Variants in GABPB2 observed in about 807,000 individuals in gnomAD.
GABPB2 encodes the protein GA binding protein transcription factor subunit beta 2.
Under a neutral mutation model 39.1 loss-of-function variants are expected in GABPB2, and 23 were observed. The ratio of observed to expected loss-of-function variants is 0.59; its 90% CI spans 0.42 to 0.83. The LOEUF (loss-of-function observed/expected upper bound fraction) is 0.83, where lower values mean the gene tolerates loss of function less well. GABPB2 is among the 40% of genes least tolerant of loss of function. The pLI is 0.00. For missense variants in GABPB2, 467 were observed against 541.1 expected (o/e 0.86, Z 1.36); for synonymous variants, 184 against 199.3 (o/e 0.92, Z 0.65).
rs1678847808 is a variant in GABPB2, at chr1:151,093,139, C to T, written c.277-53C>T. On this transcript the variant is annotated intron_variant, in intron 3 of 8. Coordinates refer to ENST00000368918, the MANE Select transcript of GABPB2 (RefSeq NM_144618.3). ...CTCTGTATTTGATGATGGGATGTTGCACCTGTGCTACTATAACCGCTGTTT... is the reference window on the plus strand; with the variant it reads ...CTCTGTATTTGATGATGGGATGTTGTACCTGTGCTACTATAACCGCTGTTT... 4 of 1,358,406 alleles carry T rather than the reference C, an allele frequency of 2.9e-6. No individual in the cohort carries two copies. In the South Asian group the frequency reaches 6.1e-5, roughly 21 times the overall value. The allele number at this position is 1,358,406 out of a possible 1,614,324, so 84.1% of individuals were successfully genotyped here.
intron 1 of GABPB2, among the ~76,000 whole-genome samples, chr1:151,072,156 T>G (rs1676783526): frequency 6.6e-6 from 1 of 152,210 alleles, no homozygotes; most frequent in South Asian, 2.1e-4. Context: ...TCCAGATTCT[T>G]AAATAAACAA....
intron 1 of GABPB2, among the ~76,000 whole-genome samples, chr1:151,082,208 C>T (rs587712136): frequency 6.6e-6 from 1 of 150,944 alleles, no homozygotes; most frequent in South Asian, 2.1e-4. Context: ...TCCCAAGTAA[C>T]TGGGACTACA....
intron 7 of GABPB2, among the ~76,000 whole-genome samples, chr1:151,108,379 C>T (rs1231355373): frequency 6.6e-6 from 1 of 152,106 alleles, no homozygotes; most frequent in Non-Finnish European, 1.5e-5. Context: ...ACCATGTTAG[C>T]CAGGCTGGTC....
At chr1:151,096,400 G>C (rs1339769780) in intron 4 of GABPB2, among the ~76,000 whole-genome samples, 1 of 152,092 alleles carries the variant, frequency 6.6e-6, no homozygotes, top group South Asian at 2.1e-4. Context: ...GGGCGACAGA[G>C]TGGGACTCCG....
At chr1:151,088,857 G>A (rs1678427907) in intron 2 of GABPB2, among the ~76,000 whole-genome samples, 1 of 152,118 alleles carries the variant, frequency 6.6e-6, no homozygotes, top group Non-Finnish European at 1.5e-5. Context: ...AAAATTAGCT[G>A]GGCATGGTGG....
intron 7 of GABPB2, among the ~76,000 whole-genome samples, chr1:151,109,583 A>G (rs1680245002): frequency 6.7e-6 from 1 of 149,566 alleles, no homozygotes; most frequent in Non-Finnish European, 1.5e-5. Flanking sequence ...CTGGTCTCGA[A>G]CTCCTGACCT....
chr1:151,103,873 G>C (rs1679734029), intron 6 of GABPB2, among the ~76,000 whole-genome samples, 198 bp downstream of exon 6: 1 of 152,204 alleles, frequency 6.6e-6, no homozygotes. Flanking sequence ...TAATATCAGA[G>C]AATGACTGAA....
At position 151,121,022 on chromosome 1, in the gene GABPB2, C is replaced by T. The variant is rs1681164335; in HGVS notation, c.*2766C>T. On this transcript the variant is annotated 3_prime_UTR_variant, in exon 9 of 9. Coordinates refer to ENST00000368918, the MANE Select transcript of GABPB2 (RefSeq NM_144618.3). ...CCACCCGCCTTGGCCTCCCAAAATG[C>T]TGAGATTACAGGCGTGAGCCACCCC... is the stretch of plus-strand genomic sequence containing the variant. 6.6e-6 allele frequency: 1 copy of T among 152,192 alleles called. No individual in the cohort carries two copies. Among genetic ancestry groups the T allele is most frequent in the African/African-American group, 2.4e-5 (1 of 41,436 alleles). The allele number at this position is 152,192 out of a possible 1,614,324, so 9.4% of individuals were successfully genotyped here.
At chr1:151,085,411 T>A (rs1678093558) in intron 1 of GABPB2, among the ~76,000 whole-genome samples, 1 of 152,046 alleles carries the variant, frequency 6.6e-6, no homozygotes. Context: ...AATAAAATAA[T>A]AAAATGATGT....
intron 2 of GABPB2, among the ~76,000 whole-genome samples, chr1:151,089,955 T>TG (rs398038191): frequency 4.0e-5 from 6 of 151,584 alleles, no homozygotes; most frequent in African/African-American, 1.5e-4. Context: ...TTTTTTTTTT[T>TG]GAGACGGTGT....
chr1:151,073,552 C>T (rs1676899404), intron 1 of GABPB2, among the ~76,000 whole-genome samples: 1 of 152,124 alleles, frequency 6.6e-6, no homozygotes. Flanking sequence ...ATATAGTTCC[C>T]CTCAAAATGC....
In GABPB2 at chr1:151,087,710, C is replaced by T. The variant is rs143519124; in HGVS notation, c.1-480C>T. Among the ~76,000 whole-genome samples the T allele has an allele frequency of 3.9e-5, 6 of 152,170 alleles. No homozygotes were observed. In the East Asian group the frequency reaches 1.2e-3, roughly 29 times the overall value. ...ATGTGTCCTGTTTCATTGTGCTATC[C>T]AAAGACCTACAAACCTCCAGAGAGA... On this transcript the variant is annotated intron_variant, in intron 1 of 8. Transcript: ENST00000368918.
intron 7 of GABPB2, chr1:151,112,713 G>A: frequency 9.3e-6 from 2 of 214,290 alleles, no homozygotes; most frequent in Admixed American, 4.2e-5. Context: ...CTCCAGTAGA[G>A]CTGCTGGTAA....
Position 151,117,496 on chromosome 1 carries a change from A to C in GABPB2, c.1027A>C (p.Asn343His). The C allele has an allele frequency of 6.2e-7, 1 of 1,614,010 alleles. No homozygotes were observed. The highest frequency in any genetic ancestry group is 8.5e-7 in the Non-Finnish European group (1 of 1,179,952). Residue 343 changes from asparagine (N) to histidine (H), a missense_variant, in exon 8 of 9, where the codon AAC (asparagine) becomes CAC (histidine). Coordinates refer to ENST00000368918, the MANE Select transcript of GABPB2 (RefSeq NM_144618.3). Reference protein sequence around the residue: ...TKKPRIGEKTNSVEESKEGNE... With the variant: ...TKKPRIGEKTHSVEESKEGNE... ...GAAACCAAGGATAGGAGAGAAGACA[A>C]ACAGTGTGGAGGAAAGCAAGGTAAT...
chr1:151,110,964 T>A (rs1680377135), intron 7 of GABPB2, among the ~76,000 whole-genome samples: 1 of 152,138 alleles, frequency 6.6e-6, no homozygotes, highest in Non-Finnish European at 1.5e-5. Context: ...ATTATGTAAA[T>A]CTTCTGTTTT....
At chr1:151,095,584 G>A (rs775907491) in intron 4 of GABPB2, among the ~76,000 whole-genome samples, 7 of 152,154 alleles carry the variant, frequency 4.6e-5, no homozygotes, top group Non-Finnish European at 8.8e-5. Flanking sequence ...ATTTCGCCAC[G>A]TAGCAGTACT....
At chr1:151,110,643 T>C (rs1020185519) in intron 7 of GABPB2, among the ~76,000 whole-genome samples, 1 of 152,064 alleles carries the variant, frequency 6.6e-6, no homozygotes, top group African/African-American at 2.4e-5. Flanking sequence ...TACTTTTTCG[T>C]AGAGACAAGG....
rs1242451778 is a variant in GABPB2, at chr1:151,120,933, T to A, written c.*2677T>A. 6.6e-6 allele frequency: 1 copy of A among 152,018 alleles called. No individual in the cohort carries two copies. Among genetic ancestry groups the A allele is most frequent in the Admixed American group, 6.6e-5 (1 of 15,232 alleles). 9.4% of individuals were successfully genotyped at this position (152,018 alleles called of 1,614,324 possible). ...CACCACGCCCGGCTAATTTTGTATATTCAGTAGAGACAGGGTTTCTCTATG... is the reference window on the plus strand; with the variant it reads ...CACCACGCCCGGCTAATTTTGTATAATCAGTAGAGACAGGGTTTCTCTATG... On this transcript the variant is annotated 3_prime_UTR_variant, in exon 9 of 9. Coordinates refer to ENST00000368918, the MANE Select transcript of GABPB2 (RefSeq NM_144618.3).
chr1:151,114,630 G>A (rs1338831482), intron 7 of GABPB2, among the ~76,000 whole-genome samples: 5 of 151,908 alleles, frequency 3.3e-5, no homozygotes, highest in Admixed American at 6.6e-5. Context: ...CCCAGGAGGT[G>A]GAGGTTGCAG....
Sources: gnomAD v4.1 joint callset for allele counts (sites outside exome capture counted in the v4.1 genomes callset) on GRCh38, gnomAD v4.1.1 for gene constraint, MANE v1.5 for transcripts, NCBI Gene and HGNC (gene_info 2026-07-23, HGNC 2026-07-21) for gene names.